PSMD11: variants seen among roughly 807,000 people sequenced by gnomAD.
The protein encoded by PSMD11 is 26S proteasome non-ATPase regulatory subunit 11.
Under a neutral mutation model 62.3 loss-of-function variants are expected in PSMD11, and 5 were observed. The observed-to-expected ratio is 0.08, with a 90% CI of 0.04 to 0.17. The LOEUF is 0.17. PSMD11 is among the 10% of genes least tolerant of loss of function. The probability of loss-of-function intolerance (pLI) is 1.00; values close to 1 mark genes in which losing one functional copy is unlikely to be tolerated. For synonymous variants in PSMD11, 191 were observed against 191.8 expected (o/e 1.00, Z 0.03); for missense variants, 310 against 512.9 (o/e 0.60, Z 3.82).
intron 8 of PSMD11, 159 bp from the exon 9 acceptor site, chr17:32,477,362 C>G (rs1436948763): frequency 1.9e-6 from 1 of 519,180 alleles, no homozygotes; most frequent in African/African-American, 1.9e-5. Context: ...GTATTCAGTA[C>G]TTGCGGCTCT....
chr17:32,446,826 T>C, intron 1 of PSMD11, 119 bp from the exon 2 acceptor site: 1 of 480,582 alleles, frequency 2.1e-6, no homozygotes, highest in Non-Finnish European at 3.6e-6. Context: ...TTTTTAACTC[T>C]AGAATTTGTC....
In PSMD11 at chr17:32,480,499, C is replaced by A. The variant is rs1260619296; in HGVS notation, c.1137C>A (p.Asp379Glu). ...TTGTGTTTCTTGCAGGGATTTTGGA[C>A]CAGGGGGAGGGTGTCCTGATTATTT... ...ILDKKFHGIL[D>E]QGEGVLIIFD... Residue 379 changes from aspartate (D) to glutamate (E), a missense_variant, in exon 13 of 14, where the codon GAC (aspartate) becomes GAA (glutamate). By Grantham distance (45) the Asp-to-Glu change is conservative (BLOSUM62 2). Transcript: ENST00000261712. 6.2e-7 allele frequency: 1 copy of A among 1,614,056 alleles called. No homozygotes were observed. Among genetic ancestry groups the A allele is most frequent in the South Asian group, 1.1e-5 (1 of 91,076 alleles).
In PSMD11 at chr17:32,474,722, A is replaced by G. The variant is rs780472856; in HGVS notation, c.789-42A>G. 20 of 1,595,962 alleles carry G rather than the reference A, an allele frequency of 1.3e-5. No homozygotes were observed. In the East Asian group the frequency reaches 2.9e-4, roughly 23 times the overall value. ...TTTGCCCAAACCTTCCTTTAGAAGC[A>G]TAACATCTGCAGCAATTGACCAAGT... On this transcript the variant is annotated intron_variant, in intron 7 of 13. Coordinates refer to ENST00000261712, the MANE Select transcript of PSMD11 (RefSeq NM_002815.4).
At chr17:32,461,417 G>A (rs58790259) in intron 3 of PSMD11, among the ~76,000 whole-genome samples, 3 of 151,798 alleles carry the variant, frequency 2.0e-5, no homozygotes, top group Admixed American at 6.6e-5. Context: ...CTAAAAATAC[G>A]AAAGTTAGCT....
At chr17:32,446,151 G>A (rs1907325650) in intron 1 of PSMD11, 1 of 152,184 alleles carries the variant, frequency 6.6e-6, no homozygotes, top group Non-Finnish European at 1.5e-5. Context: ...TTGAGTCATG[G>A]TGGTTGACGG....
chr17:32,478,042 T>C lies in PSMD11; in HGVS notation c.912+459T>C, dbSNP rs919685886. On this transcript the variant is annotated intron_variant, in intron 9 of 13. Transcript: ENST00000261712. Reference sequence around the variant, plus strand: ...TCCTCTGTGGACAGAAGGGAAGTCTTGATGTGCGTACTTGGACCCAAAGAA... The same window carrying C: ...TCCTCTGTGGACAGAAGGGAAGTCTCGATGTGCGTACTTGGACCCAAAGAA... Among the ~76,000 whole-genome samples, 11 of 152,206 alleles carry C rather than the reference T, an allele frequency of 7.2e-5. No individual in the cohort carries two copies. The South Asian group carries it at 2.3e-3, about 31-fold the overall frequency.
chr17:32,476,586 G>A (rs1401816097), intron 8 of PSMD11: 2 of 152,212 alleles, frequency 1.3e-5, no homozygotes, highest in Non-Finnish European at 2.9e-5. Context: ...CGCCTTTGAT[G>A]TTAGCTTTTA....
intron 3 of PSMD11, among the ~76,000 whole-genome samples, chr17:32,459,101 A>C (rs1331849751): frequency 2.1e-5 from 2 of 95,108 alleles, no homozygotes; most frequent in African/African-American, 7.9e-5. Flanking sequence ...GAGTGTCTCA[A>C]AAAAAAAAAA....
chr17:32,466,150 C>T (rs540675786), intron 5 of PSMD11, among the ~76,000 whole-genome samples: 5 of 152,300 alleles, frequency 3.3e-5, no homozygotes, highest in South Asian at 2.1e-4. Flanking sequence ...CACCTGTCAC[C>T]ATGCCTGGCT....
intron 2 of PSMD11, among the ~76,000 whole-genome samples, chr17:32,452,590 G>C (rs1907538739): frequency 6.6e-6 from 1 of 152,168 alleles, no homozygotes; most frequent in African/African-American, 2.4e-5. Flanking sequence ...GTTGCGATAA[G>C]GATTAAATTA....
At chr17:32,479,209 G>T (rs1908418844) in intron 9 of PSMD11, 42 bp from the exon 10 acceptor site, 1 of 1,607,198 alleles carries the variant, frequency 6.2e-7, no homozygotes, top group African/African-American at 1.3e-5. Context: ...TGACTTTAAA[G>T]TGATTCTCTG....
intron 2 of PSMD11, among the ~76,000 whole-genome samples, chr17:32,453,757 G>A (rs1222737275): frequency 2.0e-5 from 3 of 152,186 alleles, no homozygotes; most frequent in African/African-American, 7.2e-5. Context: ...CATATCTCTA[G>A]TTTATTGTTT....
intron 5 of PSMD11, among the ~76,000 whole-genome samples, chr17:32,466,869 C>T (rs540517166): frequency 1.3e-5 from 2 of 152,272 alleles, no homozygotes; most frequent in Admixed American, 1.3e-4. Flanking sequence ...TTTTGCATCT[C>T]CCTAATGACT....
chr17:32,468,561 A>C (rs1798053542), intron 5 of PSMD11, among the ~76,000 whole-genome samples: 1 of 152,218 alleles, frequency 6.6e-6, no homozygotes, highest in Admixed American at 6.5e-5. Flanking sequence ...GTCAGGGAAG[A>C]AGGTATATTT....
chr17:32,471,704 G>C (rs1908166527), intron 6 of PSMD11, among the ~76,000 whole-genome samples: 1 of 152,180 alleles, frequency 6.6e-6, no homozygotes, highest in Non-Finnish European at 1.5e-5. Context: ...GTGGTGAGAA[G>C]CATGGAAGAA....
At position 32,469,266 on chromosome 17, in the gene PSMD11, G is replaced by C. The variant is rs1172478610; in HGVS notation, c.643+73G>C. 2.1e-6 allele frequency: 3 copies of C among 1,457,364 alleles called. No homozygotes were observed. In the Admixed American group the frequency reaches 6.2e-5, roughly 30 times the overall value. The allele number at this position is 1,457,364 out of a possible 1,614,324, so 90.3% of individuals were successfully genotyped here. A position where few individuals can be genotyped will look rare whatever the true frequency, so the allele number is the denominator to read the frequency against. ...TATTTTATAGGTGGAAGGAATGGGG[G>C]TTGGGGCTGGAGAATAAAATTGGCT... On this transcript the variant is annotated intron_variant, in intron 6 of 13. Coordinates refer to ENST00000261712, the MANE Select transcript of PSMD11 (RefSeq NM_002815.4).
At position 32,479,944 on chromosome 17, in the gene PSMD11, G is replaced by A. The variant is rs1231390939; in HGVS notation, c.1074+58G>A. On this transcript the variant is annotated intron_variant, in intron 11 of 13. Coordinates refer to ENST00000261712, the MANE Select transcript of PSMD11 (RefSeq NM_002815.4). ...ATGGGACGGGGTGGCGAGGAGGGGT[G>A]GCACATGCACCTGATTGGCCTCATT... 1.6e-5 allele frequency: 25 copies of A among 1,573,580 alleles called. No homozygotes were observed. The Admixed American group carries it at 4.0e-4, about 25-fold the overall frequency.
intron 10 of PSMD11, 79 bp from the exon 11 acceptor site, chr17:32,479,772 T>TC (rs1272323689): frequency 5.4e-6 from 8 of 1,489,850 alleles, no homozygotes; most frequent in Non-Finnish European, 7.5e-6. Context: ...ACAGCAGTTC[T>TC]CCCCCTGTTC....
chr17:32,453,866 G>T (rs1417640416), intron 2 of PSMD11, among the ~76,000 whole-genome samples: 1 of 152,106 alleles, frequency 6.6e-6, no homozygotes, highest in African/African-American at 2.4e-5. Flanking sequence ...TTAAGACTTA[G>T]GTTTTGAAGA....
Sources: gnomAD v4.1 joint callset for allele counts (sites outside exome capture counted in the v4.1 genomes callset) on GRCh38, gnomAD v4.1.1 for gene constraint, MANE v1.5 for transcripts, NCBI Gene and HGNC (gene_info 2026-07-23, HGNC 2026-07-21) for gene names.